Variants in GHR observed in about 807,000 individuals in gnomAD.
GHR encodes the protein growth hormone receptor.
In GHR, 35 loss-of-function variants were observed where a neutral mutation model predicts 67.1. The ratio of observed to expected loss-of-function variants is 0.52; its 90% confidence interval spans 0.40 to 0.69. The LOEUF (loss-of-function observed/expected upper bound fraction) is 0.69. GHR is among the 30% of genes least tolerant of loss of function. The probability of loss-of-function intolerance (pLI) is 0.00; values close to 1 mark genes in which losing one functional copy is unlikely to be tolerated. For synonymous variants in GHR, 272 were observed against 269.1 expected (o/e 1.01, Z -0.10); for missense variants, 792 against 764.6 (o/e 1.04, Z -0.42).
intron 2 of GHR, among the ~76,000 whole-genome samples, chr5:42,596,501 G>T (rs115713014): frequency 6.6e-6 from 1 of 152,160 alleles, no homozygotes; most frequent in African/African-American, 2.4e-5. Flanking sequence ...GGCAGCACAC[G>T]AATAGTCCTG....
chr5:42,706,420 T>A (rs1371129674), intron 6 of GHR, among the ~76,000 whole-genome samples: 1 of 152,212 alleles, frequency 6.6e-6, no homozygotes, highest in Non-Finnish European at 1.5e-5. Flanking sequence ...AATTTTTGTT[T>A]TTGTTGCAAT....
At chr5:42,660,162 A>G (rs530551655) in intron 3 of GHR, among the ~76,000 whole-genome samples, 2,023 of 152,116 alleles carry the variant, frequency 0.013, 36 homozygotes, top group African/African-American at 0.045. Context: ...GCCTCTGTAG[A>G]CTCCACCTCT....
intron 1 of GHR, among the ~76,000 whole-genome samples, chr5:42,531,504 G>A (rs1395902938): frequency 1.3e-5 from 2 of 151,388 alleles, no homozygotes; most frequent in Admixed American, 6.6e-5. Flanking sequence ...GTGGGTCTCG[G>A]TCTCACTCTA....
chr5:42,718,631 GTAACCTAGGGGTGAAGGATGGCGA>G lies in GHR; in HGVS notation c.1125_1148del (p.Asn376_Asp383del). 1 of 1,614,094 alleles carries G rather than the reference GTAACCTAGGGGTGAAGGATGGCGA, an allele frequency of 6.2e-7. No individual in the cohort carries two copies. The highest frequency in any genetic ancestry group is 1.1e-5 in the South Asian group (1 of 91,074). ...AGCAGTGACCATGAGAAATCACATA[GTAACCTAGGGGTGAAGGATGGCGA>G]CTCTGGACGTACCAGCTGTTGTGAA... On this transcript the variant is annotated inframe_deletion, in exon 10 of 10. Transcript: ENST00000230882.
At chr5:42,576,184 A>G (rs1002832161) in intron 2 of GHR, among the ~76,000 whole-genome samples, 1 of 151,704 alleles carries the variant, frequency 6.6e-6, no homozygotes, top group Non-Finnish European at 1.5e-5. Context: ...ATCAATCTAC[A>G]TCACCAAAGC....
At chr5:42,516,621 G>T (rs1250683844) in intron 1 of GHR, among the ~76,000 whole-genome samples, 1 of 152,188 alleles carries the variant, frequency 6.6e-6, no homozygotes, top group Non-Finnish European at 1.5e-5. Flanking sequence ...CAAGGAAGTG[G>T]GAGATGAAGA....
At chr5:42,448,291 C>G (rs1743900304) in intron 1 of GHR, among the ~76,000 whole-genome samples, 1 of 151,934 alleles carries the variant, frequency 6.6e-6, no homozygotes, top group Non-Finnish European at 1.5e-5. Flanking sequence ...GCCATTCTTG[C>G]AGGTGTAAGG....
At chr5:42,467,944 T>C (rs1744809656) in intron 1 of GHR, 2 of 720,558 alleles carry the variant, frequency 2.8e-6, no homozygotes, top group Admixed American at 2.4e-5. Flanking sequence ...CTATGACTTA[T>C]CTGAAATCTT....
rs748907983 is a variant in GHR, at chr5:42,718,769, C to A, written c.1262C>A (p.Ala421Glu). 6 of 1,613,984 alleles carry A rather than the reference C, an allele frequency of 3.7e-6. No homozygotes were observed. The highest frequency in any genetic ancestry group is 3.3e-5 in the Admixed American group (2 of 60,002). Residue 421 changes from alanine to glutamate, a missense_variant, in exon 10 of 10, where the codon GCA becomes GAA. Physicochemically the swap from Ala to Glu is moderately radical, Grantham distance 107 (BLOSUM62 -1). Coordinates refer to ENST00000230882, the MANE Select transcript of GHR (RefSeq NM_000163.5). ...CAGCCACAGAGGTTAAAAGGGGAAG[C>A]AGATCTCTTATGCCTTGACCAGAAG... is the stretch of plus-strand genomic sequence containing the variant. ...VAQPQRLKGE[A>E]DLLCLDQKNQ... is the part of the protein sequence containing the mutation.
chr5:42,468,551 A>T, intron 1 of GHR: 1 of 834,714 alleles, frequency 1.2e-6, no homozygotes, highest in Non-Finnish European at 1.9e-6. Flanking sequence ...AATGACCCTT[A>T]TTCCTTCTTT....
intron 1 of GHR, among the ~76,000 whole-genome samples, chr5:42,542,772 T>C (rs1748571701): frequency 6.6e-6 from 1 of 152,070 alleles, no homozygotes; most frequent in African/African-American, 2.4e-5. Flanking sequence ...ACACCTTTTT[T>C]TATCCCTCAG....
At chr5:42,447,116 A>G (rs1036679448) in intron 1 of GHR, among the ~76,000 whole-genome samples, 2 of 152,180 alleles carry the variant, frequency 1.3e-5, no homozygotes, top group Non-Finnish European at 2.9e-5. Context: ...GTCAACAGTG[A>G]TCTAAGTTTT....
chr5:42,433,677 G>A (rs1039710561), intron 1 of GHR, among the ~76,000 whole-genome samples: 1 of 151,192 alleles, frequency 6.6e-6, no homozygotes, highest in African/African-American at 2.4e-5. Context: ...CTGAGGGATT[G>A]GAAGAGTGGC....
At chr5:42,555,928 G>A (rs1749284139) in intron 1 of GHR, among the ~76,000 whole-genome samples, 1 of 152,136 alleles carries the variant, frequency 6.6e-6, no homozygotes, top group South Asian at 2.1e-4. Flanking sequence ...TTCAGGTGAG[G>A]GAATTGAGAC....
At chr5:42,537,912 C>A (rs935641961) in intron 1 of GHR, among the ~76,000 whole-genome samples, 1 of 152,074 alleles carries the variant, frequency 6.6e-6, no homozygotes, top group Non-Finnish European at 1.5e-5. Context: ...TATATAGTGT[C>A]CCTGTTTGTC....
At chr5:42,548,544 A>G (rs1451151692) in intron 1 of GHR, 1 of 954,138 alleles carries the variant, frequency 1.0e-6, no homozygotes, top group African/African-American at 1.8e-5. Flanking sequence ...GTATTCCCTT[A>G]CTGTTACTTA....
chr5:42,665,757 GAAAA>G (rs775381802), intron 3 of GHR, among the ~76,000 whole-genome samples: 2 of 142,344 alleles, frequency 1.4e-5, no homozygotes, highest in African/African-American at 2.5e-5. Context: ...AATAATAAAA[GAAAA>G]AAAAAGAAAA....
At chr5:42,636,167 A>G (rs112097238) in intron 3 of GHR, among the ~76,000 whole-genome samples, 6,124 of 143,074 alleles carry the variant, frequency 0.043, 276 homozygotes, top group East Asian at 0.14. Context: ...CCGAGATCTC[A>G]CCACTGGACT....
chr5:42,558,158 G>A (rs1749414031), intron 1 of GHR, among the ~76,000 whole-genome samples: 2 of 152,052 alleles, frequency 1.3e-5, no homozygotes, highest in African/African-American at 2.4e-5. Context: ...ATTTCTGAAG[G>A]TAAACAAATG....
Sources: gnomAD v4.1 joint callset for allele counts (sites outside exome capture counted in the v4.1 genomes callset) on GRCh38, gnomAD v4.1.1 for gene constraint, MANE v1.5 for transcripts, NCBI Gene and HGNC (gene_info 2026-07-23, HGNC 2026-07-21) for gene names.